Variants in SLC7A1 observed in about 807,000 individuals in gnomAD.
SLC7A1 encodes the protein high affinity cationic amino acid transporter 1.
SLC7A1 carries 10 observed loss-of-function variants against 53.9 expected under a neutral mutation model. The ratio of observed to expected loss-of-function variants is 0.19; its 90% confidence interval spans 0.11 to 0.31. The LOEUF is 0.31. SLC7A1 is among the 10% of genes least tolerant of loss of function. SLC7A1 has a pLI of 1.00. For synonymous variants in SLC7A1, 342 were observed against 338.7 expected, an observed-to-expected ratio of 1.01 and a Z score of -0.11; for missense variants, 525 against 827.2, an observed-to-expected ratio of 0.63 and a Z score of 4.48.
At chr13:29,589,121 T>C (rs2139193738) in intron 1 of SLC7A1, among the ~76,000 whole-genome samples, 1 of 152,262 alleles carries the variant, frequency 6.6e-6, no homozygotes, top group South Asian at 2.1e-4. Context: ...CCCCAGCCTC[T>C]CTGAGAGTGT....
At chr13:29,560,042 T>C (rs1253327336) in intron 1 of SLC7A1, among the ~76,000 whole-genome samples, 1 of 152,226 alleles carries the variant, frequency 6.6e-6, no homozygotes, top group Non-Finnish European at 1.5e-5. Flanking sequence ...TACTTTTTCA[T>C]AATAACACAG....
intron 8 of SLC7A1, 147 bp from the exon 9 acceptor site, chr13:29,519,696 C>T: frequency 1.8e-6 from 1 of 570,548 alleles, no homozygotes; most frequent in South Asian, 2.1e-5. Flanking sequence ...AAAGACACAG[C>T]TTAAAGGGAA....
chr13:29,574,342 T>A (rs925823473), intron 1 of SLC7A1, among the ~76,000 whole-genome samples: 1 of 152,220 alleles, frequency 6.6e-6, no homozygotes, highest in African/African-American at 2.4e-5. Context: ...CATTCAGAGC[T>A]GAAAGTACAT....
At chr13:29,526,866 G>C (rs1372382778) in intron 5 of SLC7A1, among the ~76,000 whole-genome samples, 1 of 152,180 alleles carries the variant, frequency 6.6e-6, no homozygotes, top group Non-Finnish European at 1.5e-5. Context: ...TTACAGAATG[G>C]GGGTGAAGGC....
At chr13:29,569,147 C>T (rs1048962715) in intron 1 of SLC7A1, among the ~76,000 whole-genome samples, 2 of 152,184 alleles carry the variant, frequency 1.3e-5, no homozygotes, top group African/African-American at 4.8e-5. Flanking sequence ...CCCCCAGAGC[C>T]ACTCCCTGCC....
At chr13:29,536,623 T>C (rs1395297928) in intron 2 of SLC7A1, among the ~76,000 whole-genome samples, 1 of 152,180 alleles carries the variant, frequency 6.6e-6, no homozygotes, top group African/African-American at 2.4e-5. Flanking sequence ...CCAAACCATA[T>C]CTTAATTTCA....
chr13:29,572,983 G>A (rs1192952589), intron 1 of SLC7A1, among the ~76,000 whole-genome samples: 1 of 152,214 alleles, frequency 6.6e-6, no homozygotes, highest in African/African-American at 2.4e-5. Context: ...ATCTGCCACA[G>A]ACAAGTGGCT....
chr13:29,555,819 A>G (rs1448078208), intron 1 of SLC7A1, among the ~76,000 whole-genome samples: 2 of 152,212 alleles, frequency 1.3e-5, no homozygotes, highest in African/African-American at 4.8e-5. Context: ...GAATTTTCTG[A>G]TGACACTGGG....
At chr13:29,538,931 AG>A (rs975253801) in intron 2 of SLC7A1, among the ~76,000 whole-genome samples, 1 of 152,182 alleles carries the variant, frequency 6.6e-6, no homozygotes, top group Non-Finnish European at 1.5e-5. Flanking sequence ...AAATGTGGCT[AG>A]GGGATGCACA....
intron 1 of SLC7A1, among the ~76,000 whole-genome samples, chr13:29,578,235 CT>C (rs1871488906): frequency 6.6e-6 from 1 of 152,130 alleles, no homozygotes; most frequent in African/African-American, 2.4e-5. Flanking sequence ...TATCAGATTT[CT>C]GTCCGGAGAG....
intron 2 of SLC7A1, among the ~76,000 whole-genome samples, chr13:29,546,621 C>A (rs1869933828): frequency 6.6e-6 from 1 of 152,200 alleles, no homozygotes; most frequent in South Asian, 2.1e-4. Context: ...AGGCAGTCCA[C>A]CAATTCACAC....
chr13:29,515,214 C>G (rs1883519155), intron 12 of SLC7A1, among the ~76,000 whole-genome samples: 1 of 152,230 alleles, frequency 6.6e-6, no homozygotes, highest in South Asian at 2.1e-4. Context: ...ACCCACAGCC[C>G]AGGAAAGGAG....
chr13:29,545,733 C>T (rs1158516424), intron 2 of SLC7A1, among the ~76,000 whole-genome samples: 5 of 151,958 alleles, frequency 3.3e-5, no homozygotes, highest in African/African-American at 9.7e-5. Context: ...TTCCCTTCAT[C>T]GAAACTTTGC....
intron 1 of SLC7A1, among the ~76,000 whole-genome samples, chr13:29,556,774 G>A (rs930317418): frequency 1.3e-5 from 2 of 152,182 alleles, no homozygotes; most frequent in Non-Finnish European, 2.9e-5. Context: ...TGTCAGAGGG[G>A]TTCCAGACCC....
intron 1 of SLC7A1, among the ~76,000 whole-genome samples, chr13:29,566,752 C>A (rs2139160249): frequency 6.6e-6 from 1 of 152,236 alleles, no homozygotes; most frequent in East Asian, 1.9e-4. Context: ...GAGCTTTATA[C>A]TATGTAAATC....
At chr13:29,540,137 A>G (rs369086681) in intron 2 of SLC7A1, among the ~76,000 whole-genome samples, 8 of 152,224 alleles carry the variant, frequency 5.3e-5, no homozygotes, top group African/African-American at 1.9e-4. Context: ...TTAGCTAACC[A>G]TTCCAACCCC....
At chr13:29,542,648 C>T (rs958685647) in intron 2 of SLC7A1, among the ~76,000 whole-genome samples, 2 of 149,304 alleles carry the variant, frequency 1.3e-5, no homozygotes, top group Admixed American at 6.7e-5. Flanking sequence ...ACACACCGCA[C>T]TCCAGCACTC....
At chr13:29,594,225 C>T (rs939056865) in intron 1 of SLC7A1, among the ~76,000 whole-genome samples, 2 of 152,216 alleles carry the variant, frequency 1.3e-5, no homozygotes, top group African/African-American at 4.8e-5. Context: ...GGCCAGAGGC[C>T]GACATACACA....
chr13:29,545,533 GC>G (rs1869879155), intron 2 of SLC7A1, among the ~76,000 whole-genome samples: 1 of 152,190 alleles, frequency 6.6e-6, no homozygotes, highest in Non-Finnish European at 1.5e-5. Flanking sequence ...ACTAGGAAAC[GC>G]CCAGAAAACA....
Sources: gnomAD v4.1 joint callset for allele counts (sites outside exome capture counted in the v4.1 genomes callset) on GRCh38, gnomAD v4.1.1 for gene constraint, MANE v1.5 for transcripts, NCBI Gene and HGNC (gene_info 2026-07-23, HGNC 2026-07-21) for gene names.